The following ERBIN variants were observed in gnomAD, a reference collection of about 807,000 sequenced individuals.
The protein encoded by ERBIN is densin-180-like protein.
In ERBIN, 60 loss-of-function variants were observed where a neutral mutation model predicts 158.4. The ratio of observed to expected loss-of-function variants is 0.38; its 90% confidence interval spans 0.31 to 0.47. The LOEUF (loss-of-function observed/expected upper bound fraction) is 0.47. Among genes scored for constraint, ERBIN ranks in the 20% least tolerant of loss-of-function variants. The pLI is 0.99. For missense variants in ERBIN, 1,610 were observed against 1,648.0 expected, an observed-to-expected ratio of 0.98 and a Z score of 0.40; for synonymous variants, 594 against 557.2, an observed-to-expected ratio of 1.07 and a Z score of -0.93.
At chr5:66,074,841 G>A (rs930810656) in intron 22 of ERBIN, among the ~76,000 whole-genome samples, 183 bp from the exon 23 acceptor site, 1 of 152,146 alleles carries the variant, frequency 6.6e-6, no homozygotes, top group Non-Finnish European at 1.5e-5. Context: ...TTAGAATTAA[G>A]ACATTAATAG....
chr5:65,985,198 A>G lies in ERBIN; in HGVS notation c.-57-3437A>G, dbSNP rs974586819. ...AGCCTGTGCCTCCCAGGTTCAAGCA[A>G]TTCTCTCGCCTCAGCCTCTTGAGTA... On this transcript the variant is annotated intron_variant, in intron 1 of 25. Coordinates refer to ENST00000284037, the MANE Select transcript of ERBIN (RefSeq NM_001253697.2). 1.4e-4 allele frequency among the ~76,000 whole-genome samples: 21 copies of G among 152,276 alleles called. 1 individual carries two copies. The highest frequency in any genetic ancestry group is 4.6e-4 in the African/African-American group (19 of 41,576).
chr5:65,943,142 G>C (rs1663288908), intron 1 of ERBIN, among the ~76,000 whole-genome samples: 1 of 152,132 alleles, frequency 6.6e-6, no homozygotes, highest in Non-Finnish European at 1.5e-5. Flanking sequence ...ACATTCTGTG[G>C]GTTTTGACAA....
intron 14 of ERBIN, 132 bp from the exon 15 acceptor site, chr5:66,038,251 A>G (rs1002827698): frequency 1.0e-5 from 5 of 495,550 alleles, no homozygotes; most frequent in Non-Finnish European, 1.8e-5. Flanking sequence ...GTTATTGTGT[A>G]TAGTTAGATT....
At chr5:65,979,350 C>T (rs545142721) in intron 1 of ERBIN, among the ~76,000 whole-genome samples, 72 of 152,214 alleles carry the variant, frequency 4.7e-4, no homozygotes, top group African/African-American at 1.6e-3. Context: ...TTACTTGAAC[C>T]TGGGAGGTTG....
chr5:65,960,792 T>A (rs1747819899), intron 1 of ERBIN, among the ~76,000 whole-genome samples: 1 of 152,174 alleles, frequency 6.6e-6, no homozygotes, highest in African/African-American at 2.4e-5. Context: ...TAAACTAGTG[T>A]GTAAAAAAAC....
chr5:66,056,812 C>T (rs751369745), intron 21 of ERBIN, among the ~76,000 whole-genome samples: 6 of 151,422 alleles, frequency 4.0e-5, no homozygotes, highest in Non-Finnish European at 7.4e-5. Flanking sequence ...TGCCCAGACT[C>T]CTGCCTTCCA....
In ERBIN at chr5:66,053,754, G is replaced by A; in HGVS notation, c.2436G>A (p.Lys812=). 1 of 1,613,722 alleles carries A rather than the reference G, an allele frequency of 6.2e-7. No individual in the cohort carries two copies. Among genetic ancestry groups the A allele is most frequent in the Non-Finnish European group, 8.5e-7 (1 of 1,179,974 alleles). The change falls in exon 21 of 26, where the codon AAG becomes AAA. Residue 812 remains lysine (K), a synonymous_variant. Transcript: ENST00000284037. ...CTGAGCACTTGGAAAATGGAAACAAGTATCCTAATTTGGAATCCGTAAATA... is the reference window on the plus strand; with the variant it reads ...CTGAGCACTTGGAAAATGGAAACAAATATCCTAATTTGGAATCCGTAAATA... ...EETEHLENGN[K]YPNLESVNKV...
At chr5:65,941,763 C>CG (rs1260733550) in intron 1 of ERBIN, among the ~76,000 whole-genome samples, 2 of 151,400 alleles carry the variant, frequency 1.3e-5, no homozygotes, top group Non-Finnish European at 2.9e-5. Flanking sequence ...TTTTTTGAGA[C>CG]GGAGTGTCGT....
At chr5:65,993,304 A>G (rs994573051) in intron 3 of ERBIN, among the ~76,000 whole-genome samples, 1 of 152,180 alleles carries the variant, frequency 6.6e-6, no homozygotes, top group African/African-American at 2.4e-5. Context: ...TCCTTTTACC[A>G]TATCATAATT....
At chr5:65,964,583 C>G (rs1356219023) in intron 1 of ERBIN, among the ~76,000 whole-genome samples, 1 of 152,118 alleles carries the variant, frequency 6.6e-6, no homozygotes, top group Non-Finnish European at 1.5e-5. Context: ...GTACTTGCAA[C>G]AAACATGGGC....
At position 66,048,354 on chromosome 5, in the gene ERBIN, A is replaced by G. The variant is rs78033656; in HGVS notation, c.1789-313A>G. The stretch of plus-strand genomic sequence containing the variant: ...GAGTGTTACTCTAATTCATAGAGCT[A>G]TATATGGTTGAAAGTTACTATAGTT... On this transcript the variant is annotated intron_variant, in intron 18 of 25. Transcript: ENST00000284037. Among the ~76,000 whole-genome samples, 865 of 152,044 alleles carry G rather than the reference A, an allele frequency of 5.7e-3. 7 individuals are homozygous for G. The highest frequency in any genetic ancestry group is 0.02 in the African/African-American group (812 of 41,518).
chr5:65,968,686 G>T (rs761380424), intron 1 of ERBIN, among the ~76,000 whole-genome samples: 1 of 151,906 alleles, frequency 6.6e-6, no homozygotes, highest in Non-Finnish European at 1.5e-5. Flanking sequence ...TCAGTCTCCC[G>T]AGTAGCTGGG....
chr5:66,048,195 T>A (rs1268226423), intron 18 of ERBIN, among the ~76,000 whole-genome samples: 1 of 151,854 alleles, frequency 6.6e-6, no homozygotes, highest in African/African-American at 2.4e-5. Context: ...TGTTACTGAA[T>A]AAGTCAGAGA....
At chr5:66,063,551 A>C (rs1265010421) in intron 21 of ERBIN, among the ~76,000 whole-genome samples, 4 of 151,826 alleles carry the variant, frequency 2.6e-5, no homozygotes, top group Non-Finnish European at 4.4e-5. Flanking sequence ...ACTGTTCTGC[A>C]CCCACTGTCC....
intron 7 of ERBIN, among the ~76,000 whole-genome samples, chr5:66,021,000 T>G (rs1755625979): frequency 6.6e-6 from 1 of 151,956 alleles, no homozygotes; most frequent in Non-Finnish European, 1.5e-5. Flanking sequence ...TTAGCTGACT[T>G]GTACTATATG....
intron 4 of ERBIN, among the ~76,000 whole-genome samples, chr5:66,006,699 A>C (rs1334132469): frequency 6.6e-6 from 1 of 152,106 alleles, no homozygotes; most frequent in African/African-American, 2.4e-5. Flanking sequence ...ATTTACAAGA[A>C]AAAAACAACC....
chr5:65,989,041 TCTTCTTCGTTGTG>T lies in ERBIN; in HGVS notation c.-10+360_-10+372del, dbSNP rs1229295427. Among the ~76,000 whole-genome samples the T allele has an allele frequency of 4.9e-4, 7 of 14,418 alleles. No individual in the cohort carries two copies. In the Non-Finnish European group the frequency reaches 4.9e-3, roughly 10 times the overall value. 9.5% of individuals were successfully genotyped at this position (14,418 alleles called of 152,430 possible). ...GTGCTCATTTTCTGGGTCGACACTT[TCTTCTTCGTTGTG>T]ATTAGAAGATTCTTATGTCTACAGT... is the stretch of plus-strand genomic sequence containing the variant. On this transcript the variant is annotated intron_variant, in intron 2 of 25. Coordinates refer to ENST00000284037, the MANE Select transcript of ERBIN (RefSeq NM_001253697.2).
At chr5:66,003,221 A>G (rs1016435204) in intron 4 of ERBIN, among the ~76,000 whole-genome samples, 1 of 152,208 alleles carries the variant, frequency 6.6e-6, no homozygotes, top group Non-Finnish European at 1.5e-5. Flanking sequence ...AAATTCAACA[A>G]CTGGGACAGT....
At chr5:66,015,164 G>T (rs796674594) in intron 7 of ERBIN, among the ~76,000 whole-genome samples, 1 of 152,118 alleles carries the variant, frequency 6.6e-6, no homozygotes, top group East Asian at 1.9e-4. Context: ...GCGATGATTG[G>T]TTCCCTAATG....
Sources: allele counts gnomAD v4.1 joint callset (sites outside exome capture counted in the v4.1 genomes callset), GRCh38; gene constraint gnomAD v4.1.1; transcripts MANE v1.5; gene names NCBI Gene and HGNC (gene_info 2026-07-23, HGNC 2026-07-21).